The following ALPK1 variants were observed in gnomAD, a reference collection of about 807,000 sequenced individuals.
ALPK1 encodes alpha kinase 1, also known as alpha-protein kinase 1.
In ALPK1, 110 loss-of-function variants were observed where a neutral mutation model predicts 120.6. The observed-to-expected ratio is 0.91, with a 90% CI of 0.78 to 1.07. The LOEUF is 1.07. ALPK1 is among the 50% of genes least tolerant of loss of function. The pLI is 0.00. For synonymous variants in ALPK1, 582 were observed against 560.3 expected, an observed-to-expected ratio of 1.04 and a Z score of -0.55; for missense variants, 1,498 against 1,483.9, an observed-to-expected ratio of 1.01 and a Z score of -0.16.
At chr4:112,436,296 CTAT>C (rs10601668) in intron 12 of ALPK1, among the ~76,000 whole-genome samples, 58,081 of 151,742 alleles carry the variant, frequency 0.38, 11,970 homozygotes, top group African/African-American at 0.54. Flanking sequence ...AGGGTAGATA[CTAT>C]TATTATTCTC....
intron 2 of ALPK1, among the ~76,000 whole-genome samples, chr4:112,331,914 A>G (rs899190777): frequency 1.3e-5 from 2 of 152,242 alleles, no homozygotes; most frequent in Non-Finnish European, 1.5e-5. Flanking sequence ...GGTCTCATAC[A>G]TAATCAGTTG....
At chr4:112,363,540 CT>C (rs1382068611) in intron 2 of ALPK1, among the ~76,000 whole-genome samples, 1 of 151,986 alleles carries the variant, frequency 6.6e-6, no homozygotes, top group Non-Finnish European at 1.5e-5. Flanking sequence ...AACACTGGAG[CT>C]CCCAAATTTA....
intron 2 of ALPK1, among the ~76,000 whole-genome samples, chr4:112,342,679 C>A (rs1021876138): frequency 2.0e-5 from 3 of 152,170 alleles, no homozygotes; most frequent in Non-Finnish European, 4.4e-5. Flanking sequence ...TATCCATGGA[C>A]CTTCAATCCA....
chr4:112,358,428 C>T, intron 2 of ALPK1: 1 of 646,508 alleles, frequency 1.5e-6, no homozygotes, highest in Non-Finnish European at 2.8e-6. Flanking sequence ...ACTAAGTCAA[C>T]TGGCCCCCTC....
chr4:112,356,831 C>T (rs1560651180), intron 2 of ALPK1: 1 of 727,508 alleles, frequency 1.4e-6, no homozygotes, highest in South Asian at 1.3e-5. Flanking sequence ...TGCCAAGAGC[C>T]GCAGAGCACA....
chr4:112,428,330 T>G (rs1560684288), intron 9 of ALPK1, among the ~76,000 whole-genome samples: 1 of 152,198 alleles, frequency 6.6e-6, no homozygotes, highest in South Asian at 2.1e-4. Flanking sequence ...CTTCACACTG[T>G]GCTTAAATGG....
At position 112,442,570 on chromosome 4, in the gene ALPK1, A is replaced by G. The variant is rs965315288; in HGVS notation, c.*1360A>G. 3 of 152,058 alleles carry G rather than the reference A, an allele frequency of 2.0e-5. No homozygotes were observed. The highest frequency in any genetic ancestry group is 7.2e-5 in the African/African-American group (3 of 41,382). The allele number at this position is 152,058 out of a possible 1,614,324, so 9.4% of individuals were successfully genotyped here. On this transcript the variant is annotated 3_prime_UTR_variant, in exon 16 of 16. Coordinates refer to ENST00000650871, the MANE Select transcript of ALPK1 (RefSeq NM_025144.4). ...TTCGCACAACAAACCCCCATGACAC[A>G]AACCTGCACATGTACCCCTGAACTT... is the stretch of plus-strand genomic sequence containing the variant.
At chr4:112,335,262 T>TA (rs577049601) in intron 2 of ALPK1, among the ~76,000 whole-genome samples, 10,930 of 101,988 alleles carry the variant, frequency 0.11, 852 homozygotes, top group African/African-American at 0.25. Flanking sequence ...AAAATCTGTC[T>TA]AAAAAAAAAA....
intron 2 of ALPK1, among the ~76,000 whole-genome samples, chr4:112,320,714 C>T (rs1426319457): frequency 3.9e-5 from 6 of 152,018 alleles, no homozygotes; most frequent in Admixed American, 3.9e-4. Flanking sequence ...TTCAATCTCA[C>T]TCCTTGTTAT....
chr4:112,422,715 C>T (rs1037179914), intron 5 of ALPK1, among the ~76,000 whole-genome samples: 6 of 152,232 alleles, frequency 3.9e-5, no homozygotes, highest in African/African-American at 1.4e-4. Context: ...GTACTGTCAG[C>T]TGGAAGCTGG....
At chr4:112,409,371 A>G (rs897568768) in intron 4 of ALPK1, among the ~76,000 whole-genome samples, 1 of 152,140 alleles carries the variant, frequency 6.6e-6, no homozygotes, top group African/African-American at 2.4e-5. Flanking sequence ...GATCTGATCA[A>G]TAGTACCTCT....
intron 2 of ALPK1, among the ~76,000 whole-genome samples, chr4:112,372,343 G>C (rs1029624652): frequency 6.6e-6 from 1 of 151,408 alleles, no homozygotes; most frequent in Non-Finnish European, 1.5e-5. Context: ...CCTCCCAATA[G>C]CTGTGACTAC....
At chr4:112,347,994 C>T (rs1011411022) in intron 2 of ALPK1, among the ~76,000 whole-genome samples, 6 of 152,136 alleles carry the variant, frequency 3.9e-5, no homozygotes, top group Non-Finnish European at 7.3e-5. Context: ...TCGCCATCCT[C>T]CTTATTAGAG....
intron 4 of ALPK1, among the ~76,000 whole-genome samples, chr4:112,400,776 T>G (rs951767228): frequency 9.9e-5 from 15 of 152,176 alleles, no homozygotes; most frequent in Non-Finnish European, 7.3e-5. Context: ...GGTTGGAAAA[T>G]TCTTCACTCC....
At chr4:112,391,042 A>T (rs947355858) in intron 4 of ALPK1, among the ~76,000 whole-genome samples, 1 of 152,218 alleles carries the variant, frequency 6.6e-6, no homozygotes, top group African/African-American at 2.4e-5. Flanking sequence ...AATGAGCTAG[A>T]CTGAGGTAGA....
intron 4 of ALPK1, among the ~76,000 whole-genome samples, chr4:112,386,619 A>G (rs898751315): frequency 6.6e-6 from 1 of 152,192 alleles, no homozygotes; most frequent in African/African-American, 2.4e-5. Context: ...TCCATGGGTT[A>G]CCATCATCTT....
rs1319356972 is a variant in ALPK1 at position 112,435,154 on chromosome 4, T to A, written c.3041T>A (p.Leu1014His). The change falls in exon 12 of 16, where the codon CTT becomes CAT. Residue 1014 changes from leucine (L) to histidine (H), a missense_variant. Leu to His is a moderately conservative substitution (Grantham distance 99, BLOSUM62 -3). Transcript: ENST00000650871. Reference sequence around the variant, plus strand: ...TCATCTTTTTTTTTCCCAGGTGCTCTTTTGTTAAAATATTCAAAAAAATCT... The same window carrying A: ...TCATCTTTTTTTTTCCCAGGTGCTCATTTGTTAAAATATTCAAAAAAATCT... ...PSQLHRAHSA[L>H]LLKYSKKSEL... 2 of 1,602,004 alleles carry A rather than the reference T, an allele frequency of 1.2e-6. No individual in the cohort carries two copies. The highest frequency in any genetic ancestry group is 1.7e-6 in the Non-Finnish European group (2 of 1,177,230).
intron 4 of ALPK1, among the ~76,000 whole-genome samples, chr4:112,387,380 C>A (rs191190739): frequency 1.8e-4 from 28 of 152,340 alleles, no homozygotes; most frequent in Admixed American, 1.4e-3. Context: ...ACATTCCCTG[C>A]ACAGGTTTGG....
chr4:112,314,468 C>G (rs1417369326), intron 1 of ALPK1, among the ~76,000 whole-genome samples: 1 of 152,120 alleles, frequency 6.6e-6, no homozygotes, highest in Non-Finnish European at 1.5e-5. Context: ...TTGATGATAA[C>G]AAAATTTAGG....
Sources: gnomAD v4.1 joint callset for allele counts (sites outside exome capture counted in the v4.1 genomes callset) on GRCh38, gnomAD v4.1.1 for gene constraint, MANE v1.5 for transcripts, NCBI Gene and HGNC (gene_info 2026-07-23, HGNC 2026-07-21) for gene names.